Variants in DCDC1 observed in about 807,000 individuals in gnomAD.
The protein encoded by DCDC1 is doublecortin domain-containing protein 1.
A neutral mutation model predicts 178.3 loss-of-function variants in DCDC1; 200 were observed. That is an observed-to-expected ratio of 1.12 (90% CI 1.00 to 1.26). The LOEUF is 1.26. Ranked by LOEUF, DCDC1 falls within the 50% of genes most tolerant of loss-of-function variation. The pLI is 0.00. For missense variants in DCDC1, 1,983 were observed against 1,749.2 expected (o/e 1.13, Z -2.38); for synonymous variants, 690 against 604.8 (o/e 1.14, Z -2.07).
chr11:31,170,395 A>G (rs983294294), intron 9 of DCDC1, among the ~76,000 whole-genome samples: 1 of 152,210 alleles, frequency 6.6e-6, no homozygotes, highest in African/African-American at 2.4e-5. Flanking sequence ...TTCTTTTTAA[A>G]GAGTTCATAT....
At chr11:30,977,603 T>C (rs1482265409) in intron 20 of DCDC1, among the ~76,000 whole-genome samples, 2 of 152,200 alleles carry the variant, frequency 1.3e-5, no homozygotes, top group Non-Finnish European at 2.9e-5. Flanking sequence ...TCTTTCAATA[T>C]GTAGGATTAC....
At position 31,127,546 on chromosome 11, in the gene DCDC1, G is replaced by A. The variant is rs763637529; in HGVS notation, c.1408C>T (p.Gln470Ter). 95 of 702,742 alleles carry A rather than the reference G, an allele frequency of 1.4e-4. No homozygotes were observed. The highest frequency in any genetic ancestry group is 2.1e-4 in the Non-Finnish European group (82 of 384,828). The allele number at this position is 702,742 out of a possible 1,614,324, so 43.5% of individuals were successfully genotyped here. ...LGPQLQAEQE[Q>*]FSSYVYQHIK... is the part of the protein sequence containing the mutation. Reference sequence around the variant, plus strand: ...TGTTGGTAGACATAAGAGGAGAATTGCTCCTGCTCAGCCTGTAATTGGGGG... The same window carrying A: ...TGTTGGTAGACATAAGAGGAGAATTACTCCTGCTCAGCCTGTAATTGGGGG... The change falls in exon 11 of 39, where the codon CAA becomes TAA. Residue 470 changes from glutamine to a stop codon, truncating the protein, a stop_gained. Transcript: ENST00000684477. LOFTEE classifies it high-confidence loss of function.
chr11:31,128,609 G>A (rs1157274984), intron 10 of DCDC1, among the ~76,000 whole-genome samples: 1 of 152,114 alleles, frequency 6.6e-6, no homozygotes, highest in Non-Finnish European at 1.5e-5. Context: ...TTAGAATTAT[G>A]AGTAAGTTTG....
chr11:31,034,962 A>G (rs1953928241), intron 20 of DCDC1, among the ~76,000 whole-genome samples: 1 of 152,184 alleles, frequency 6.6e-6, no homozygotes, highest in South Asian at 2.1e-4. Flanking sequence ...AGAATAATAC[A>G]TTTATGGAGG....
chr11:30,995,790 T>C (rs1279624612), intron 20 of DCDC1, among the ~76,000 whole-genome samples: 2 of 152,186 alleles, frequency 1.3e-5, no homozygotes, highest in African/African-American at 4.8e-5. Flanking sequence ...CCAAAATGGA[T>C]CACAGACTTA....
chr11:31,200,488 T>C (rs925665779), intron 9 of DCDC1, among the ~76,000 whole-genome samples: 2 of 152,056 alleles, frequency 1.3e-5, no homozygotes, highest in African/African-American at 4.8e-5. Context: ...AATTTTTGAG[T>C]AAGGAAAAAA....
chr11:31,051,186 A>G (rs1955223158), intron 20 of DCDC1, among the ~76,000 whole-genome samples: 1 of 152,184 alleles, frequency 6.6e-6, no homozygotes, highest in African/African-American at 2.4e-5. Flanking sequence ...AATGCTCTGG[A>G]AAGTCTCAGC....
chr11:30,931,526 A>G (rs907620792), intron 22 of DCDC1, among the ~76,000 whole-genome samples: 5 of 152,120 alleles, frequency 3.3e-5, no homozygotes, highest in Non-Finnish European at 7.4e-5. Flanking sequence ...TTAAAAATAG[A>G]ACTTTTAAAA....
At chr11:31,035,276 G>C (rs1192653302) in intron 20 of DCDC1, among the ~76,000 whole-genome samples, 1 of 152,126 alleles carries the variant, frequency 6.6e-6, no homozygotes, top group Non-Finnish European at 1.5e-5. Flanking sequence ...GACAGTATTA[G>C]CTAAACTACA....
At chr11:31,233,308 A>G (rs1030560912) in intron 9 of DCDC1, among the ~76,000 whole-genome samples, 1 of 152,154 alleles carries the variant, frequency 6.6e-6, no homozygotes, top group Non-Finnish European at 1.5e-5. Context: ...TTTTATACTG[A>G]TAAGCATATT....
chr11:31,149,153 C>A lies in DCDC1; in HGVS notation c.1222-11369G>T, dbSNP rs141134280. Among the ~76,000 whole-genome samples, 589 of 152,270 alleles carry A rather than the reference C, an allele frequency of 3.9e-3. 4 individuals are homozygous for A. Among genetic ancestry groups the A allele is most frequent in the African/African-American group, 0.014 (566 of 41,544 alleles). On this transcript the variant is annotated intron_variant, in intron 9 of 38. Transcript: ENST00000684477. ...TAATCCACTCATTGGTTGATGGGCA[C>A]CTGCAAATTGTGCTGCTATAAACAT...
At chr11:31,252,385 A>G (rs1944102569) in intron 8 of DCDC1, among the ~76,000 whole-genome samples, 1 of 152,216 alleles carries the variant, frequency 6.6e-6, no homozygotes, top group African/African-American at 2.4e-5. Flanking sequence ...CTAGCACTAC[A>G]AATACAAGAT....
At position 31,008,360 on chromosome 11, in the gene DCDC1, G is replaced by A. The variant is rs555555923; in HGVS notation, c.2592-55792C>T. 5.4e-4 allele frequency among the ~76,000 whole-genome samples: 82 copies of A among 152,192 alleles called. 2 individuals are homozygous for A. In the South Asian group the frequency reaches 0.016, roughly 30 times the overall value. On this transcript the variant is annotated intron_variant, in intron 20 of 38. Coordinates refer to ENST00000684477, the MANE Select transcript of DCDC1 (RefSeq NM_001387274.1). ...CTGACACAAAGAAACAGAGTAAGAG[G>A]TAGGGTGGATTTAGTCCTAAAATAT...
chr11:31,196,620 T>C (rs1970725109), intron 9 of DCDC1, among the ~76,000 whole-genome samples: 1 of 152,056 alleles, frequency 6.6e-6, no homozygotes, highest in Non-Finnish European at 1.5e-5. Context: ...AAGACATGCA[T>C]AGGGCCAGGT....
chr11:31,179,804 T>C (rs188091355), intron 9 of DCDC1, among the ~76,000 whole-genome samples: 3 of 152,252 alleles, frequency 2.0e-5, no homozygotes, highest in Non-Finnish European at 4.4e-5. Context: ...TACCCTGGTT[T>C]CAAAACCAGA....
At chr11:31,027,660 CA>C (rs988128711) in intron 20 of DCDC1, among the ~76,000 whole-genome samples, 5 of 151,842 alleles carry the variant, frequency 3.3e-5, no homozygotes, top group African/African-American at 4.8e-5. Context: ...TGATTATCTA[CA>C]CTGATGATAT....
chr11:31,033,750 C>T (rs935484745), intron 20 of DCDC1, among the ~76,000 whole-genome samples: 1 of 152,092 alleles, frequency 6.6e-6, no homozygotes, highest in African/African-American at 2.4e-5. Flanking sequence ...CTGAAAAATT[C>T]TTATCACTTA....
intron 20 of DCDC1, among the ~76,000 whole-genome samples, chr11:31,040,684 T>C (rs897521897): frequency 6.6e-6 from 1 of 152,224 alleles, no homozygotes; most frequent in Non-Finnish European, 1.5e-5. Flanking sequence ...GGCCTAGATC[T>C]GAGAAATGTT....
intron 2 of DCDC1, among the ~76,000 whole-genome samples, chr11:31,332,727 C>G (rs1204997524): frequency 6.6e-6 from 1 of 152,114 alleles, no homozygotes; most frequent in Non-Finnish European, 1.5e-5. Flanking sequence ...AATTTGATTG[C>G]ACTGTGGTCT....
Sources: gnomAD v4.1 joint callset for allele counts (sites outside exome capture counted in the v4.1 genomes callset) on GRCh38, gnomAD v4.1.1 for gene constraint, MANE v1.5 for transcripts, NCBI Gene and HGNC (gene_info 2026-07-23, HGNC 2026-07-21) for gene names.